FOXP1: variants seen among roughly 807,000 people sequenced by gnomAD.
FOXP1 encodes the protein forkhead box P1, also known as forkhead box protein P1.
In FOXP1, 15 loss-of-function variants were observed where a neutral mutation model predicts 98.2. The ratio of observed to expected loss-of-function variants is 0.15; its 90% CI spans 0.10 to 0.24. The LOEUF is 0.24. Among genes scored for constraint, FOXP1 ranks in the 10% least tolerant of loss-of-function variants. FOXP1 has a pLI of 1.00. For synonymous variants in FOXP1, 371 were observed against 314.5 expected, an observed-to-expected ratio of 1.18 and a Z score of -1.90; for missense variants, 633 against 848.5, an observed-to-expected ratio of 0.75 and a Z score of 3.15.
intron 10 of FOXP1, among the ~76,000 whole-genome samples, chr3:71,043,371 A>G (rs920854707): frequency 3.3e-5 from 5 of 152,200 alleles, no homozygotes; most frequent in African/African-American, 1.2e-4. Context: ...AATTAAACAA[A>G]GGGGAAAGGT....
intron 7 of FOXP1, among the ~76,000 whole-genome samples, chr3:71,078,992 C>A (rs962298150): frequency 6.6e-6 from 1 of 152,170 alleles, no homozygotes; most frequent in Non-Finnish European, 1.5e-5. Context: ...ACAACTCCCC[C>A]ACTTCCTACC....
intron 6 of FOXP1, among the ~76,000 whole-genome samples, chr3:71,182,235 A>C (rs1268281621): frequency 6.6e-6 from 1 of 152,094 alleles, no homozygotes; most frequent in Admixed American, 6.5e-5. Flanking sequence ...GGAGCAGCTA[A>C]GTGGTAGCGG....
chr3:71,199,061 T>C (rs973839625), intron 5 of FOXP1, among the ~76,000 whole-genome samples: 7 of 151,764 alleles, frequency 4.6e-5, no homozygotes, highest in Non-Finnish European at 8.8e-5. Context: ...GCATATTAGG[T>C]ATAAACATTA....
In FOXP1 at chr3:70,979,397, T is replaced by A. The variant is rs76137105; in HGVS notation, c.1147-1368A>T. Among the ~76,000 whole-genome samples the A allele has an allele frequency of 6.2e-3, 916 of 147,352 alleles. 15 individuals carry two copies. The highest frequency in any genetic ancestry group is 0.022 in the African/African-American group (864 of 39,654). ...CTTAAAGTACTGTTCTTACAAATAC[T>A]AAAAGGCATAACCCTTCCCCAAAAT... is the stretch of plus-strand genomic sequence containing the variant. On this transcript the variant is annotated intron_variant, in intron 14 of 20. Transcript: ENST00000649528.
intron 5 of FOXP1, among the ~76,000 whole-genome samples, chr3:71,257,051 C>G (rs577290322): frequency 4.4e-4 from 67 of 152,268 alleles, no homozygotes; most frequent in African/African-American, 1.5e-3. Flanking sequence ...AGAACTCAAG[C>G]AGTATGATGG....
chr3:71,001,760 G>T (rs1576035352), intron 12 of FOXP1, among the ~76,000 whole-genome samples: 1 of 152,266 alleles, frequency 6.6e-6, no homozygotes, highest in South Asian at 2.1e-4. Context: ...CAGGGAAAAG[G>T]CTAACAAATT....
rs1175798018 is a variant in FOXP1 at position 71,317,656 on chromosome 3, G to A, written c.-72-17776C>T. On this transcript the variant is annotated intron_variant, in intron 4 of 20. Coordinates refer to ENST00000649528, the MANE Select transcript of FOXP1 (RefSeq NM_001349338.3). Reference sequence around the variant, plus strand: ...GCTAGGCCCCAAAATTCTACTTTGTGAGAGTTAATTTTTTTTTTAATTAAT... The same window carrying A: ...GCTAGGCCCCAAAATTCTACTTTGTAAGAGTTAATTTTTTTTTTAATTAAT... Among the ~76,000 whole-genome samples the A allele has an allele frequency of 2.0e-5, 3 of 149,456 alleles. No individual in the cohort carries two copies. The East Asian group carries it at 5.8e-4, about 29-fold the overall frequency.
intron 2 of FOXP1, among the ~76,000 whole-genome samples, chr3:71,576,722 C>T (rs2047747313): frequency 6.6e-6 from 1 of 152,154 alleles, no homozygotes; most frequent in African/African-American, 2.4e-5. Context: ...TAAATTATTA[C>T]AACTGAATTG....
intron 6 of FOXP1, among the ~76,000 whole-genome samples, chr3:71,189,512 T>G (rs2062840978): frequency 6.6e-6 from 1 of 152,226 alleles, no homozygotes; most frequent in South Asian, 2.1e-4. Flanking sequence ...TTTTTCAAAA[T>G]AAGCCCATCC....
chr3:71,218,893 T>C (rs759594400), intron 5 of FOXP1, among the ~76,000 whole-genome samples: 3 of 152,174 alleles, frequency 2.0e-5, no homozygotes, highest in Non-Finnish European at 4.4e-5. Flanking sequence ...AACCAAAATA[T>C]CTTCTCAGAG....
intron 6 of FOXP1, among the ~76,000 whole-genome samples, chr3:71,197,598 A>G (rs1180673173): frequency 2.0e-5 from 3 of 152,220 alleles, no homozygotes; most frequent in African/African-American, 7.2e-5. Flanking sequence ...AGTAAGACTT[A>G]GCCACAAACC....
At chr3:70,982,194 TAGAAC>T (rs1168050700) in intron 14 of FOXP1, among the ~76,000 whole-genome samples, 20 of 152,222 alleles carry the variant, frequency 1.3e-4, no homozygotes, top group South Asian at 4.1e-4. Flanking sequence ...ATTACAGACT[TAGAAC>T]AGAAGAGCAA....
chr3:71,168,518 A>G (rs1299931657), intron 6 of FOXP1, among the ~76,000 whole-genome samples: 1 of 152,248 alleles, frequency 6.6e-6, no homozygotes, highest in Non-Finnish European at 1.5e-5. Flanking sequence ...ACTCTAAGTG[A>G]CGTACTGTTT....
Position 71,529,132 on chromosome 3 carries a change from G to A in FOXP1, c.-297-35577C>T, listed in dbSNP as rs184711240. ...GACATCCGACTCTGTAACTCAGCTA[G>A]GATGAAAAAGCACACTCCTGCCCAT... On this transcript the variant is annotated intron_variant, in intron 2 of 20. Coordinates refer to ENST00000649528, the MANE Select transcript of FOXP1 (RefSeq NM_001349338.3). 2.3e-3 allele frequency among the ~76,000 whole-genome samples: 352 copies of A among 152,292 alleles called. 1 individual carries two copies. The highest frequency in any genetic ancestry group is 8.3e-3 in the African/African-American group (344 of 41,552).
At chr3:71,363,586 C>G (rs781396901) in intron 3 of FOXP1, among the ~76,000 whole-genome samples, 1 of 152,194 alleles carries the variant, frequency 6.6e-6, no homozygotes, top group Non-Finnish European at 1.5e-5. Context: ...AAATGCTGCC[C>G]TTCCCAGGGG....
At chr3:71,346,706 A>G (rs576919551) in intron 4 of FOXP1, among the ~76,000 whole-genome samples, 2 of 152,180 alleles carry the variant, frequency 1.3e-5, no homozygotes, top group South Asian at 4.1e-4. Context: ...CTCATTCCTT[A>G]GGCAGTTTTT....
At chr3:70,972,454 C>A (rs1194699024) in intron 18 of FOXP1, 101 bp downstream of exon 18, 3 of 1,527,990 alleles carry the variant, frequency 2.0e-6, no homozygotes, top group Admixed American at 3.3e-5. Context: ...CAACGTGAAA[C>A]CAGTTCTTTG....
chr3:71,513,677 G>C (rs2042361895), intron 2 of FOXP1, among the ~76,000 whole-genome samples: 1 of 152,150 alleles, frequency 6.6e-6, no homozygotes, highest in African/African-American at 2.4e-5. Context: ...ATGTGGAATG[G>C]GTCATTCTTT....
At chr3:71,546,097 T>C (rs2045336574) in intron 2 of FOXP1, among the ~76,000 whole-genome samples, 1 of 152,214 alleles carries the variant, frequency 6.6e-6, no homozygotes. Context: ...GGAGGGGTCA[T>C]GGATTTGCAT....
Sources: gnomAD v4.1 joint callset for allele counts (sites outside exome capture counted in the v4.1 genomes callset) on GRCh38, gnomAD v4.1.1 for gene constraint, MANE v1.5 for transcripts, NCBI Gene and HGNC (gene_info 2026-07-23, HGNC 2026-07-21) for gene names.